Variants in ACBD6 observed in about 807,000 individuals in gnomAD.
ACBD6 encodes the protein acyl-CoA-binding domain-containing protein 6.
Under a neutral mutation model 37.2 loss-of-function variants are expected in ACBD6, and 28 were observed. The observed-to-expected ratio is 0.75, with a 90% CI of 0.56 to 1.03. ACBD6 has a LOEUF of 1.03. Among genes scored for constraint, ACBD6 ranks in the 50% least tolerant of loss-of-function variants. The pLI, the probability that ACBD6 is intolerant of heterozygous loss-of-function variation, is 0.00. For missense variants in ACBD6, 340 were observed against 337.4 expected, an observed-to-expected ratio of 1.01 and a Z score of -0.06; for synonymous variants, 113 against 126.8, an observed-to-expected ratio of 0.89 and a Z score of 0.73.
exon 14 of ACBD6, chr1:180,270,779 C>T (rs1648598935): frequency 6.3e-6 from 1 of 158,178 alleles, no homozygotes. Context: ...CATCTGATTT[C>T]CTGTTTTAGT....
chr1:180,332,316 C>T (rs1316062532), intron 6 of ACBD6, among the ~76,000 whole-genome samples: 2 of 152,176 alleles, frequency 1.3e-5, no homozygotes, highest in Admixed American at 6.5e-5. Context: ...ACAATCTGTT[C>T]TTCAGACAGC....
At chr1:180,470,734 T>C (rs1037688043) in intron 3 of ACBD6, among the ~76,000 whole-genome samples, 7 of 152,242 alleles carry the variant, frequency 4.6e-5, no homozygotes, top group African/African-American at 1.7e-4. Flanking sequence ...CAGTTTTAAC[T>C]ATTTGCGTAC....
intron 7 of ACBD6, among the ~76,000 whole-genome samples, chr1:180,294,235 TA>T (rs1314710685): frequency 1.3e-5 from 2 of 152,056 alleles, no homozygotes; most frequent in Non-Finnish European, 2.9e-5. Flanking sequence ...TTTGTGTCTT[TA>T]AAAAAATTTG....
In ACBD6 at chr1:180,281,199, C is replaced by T. The variant is rs878641; in HGVS notation, c.*174+107G>A. 0.024 allele frequency: 3,698 copies of T among 152,224 alleles called. 357 individuals carry two copies. The East Asian group carries it at 0.29, about 12-fold the overall frequency. 9.4% of individuals were successfully genotyped at this position (152,224 alleles called of 1,614,324 possible). On this transcript the variant is annotated intron_variant, in intron 9 of 13. Coordinates refer to the ACBD6 transcript ENST00000642319. ...TTTTAGTTTGGTCACTGGAGACTGG[C>T]ACCTGAGCAGTCTGATTTTCTTTCT...
At chr1:180,415,015 T>C (rs1571478096) in intron 4 of ACBD6, among the ~76,000 whole-genome samples, 1 of 151,942 alleles carries the variant, frequency 6.6e-6, no homozygotes, top group Admixed American at 6.6e-5. Context: ...AGGCAGAGCT[T>C]GCAGTGAGCC....
chr1:180,425,619 T>C (rs1449622564), intron 4 of ACBD6, among the ~76,000 whole-genome samples: 1 of 152,196 alleles, frequency 6.6e-6, no homozygotes, highest in East Asian at 1.9e-4. Context: ...GAACACATAC[T>C]CTTGAAGCTT....
chr1:180,304,728 T>C (rs1195460033), intron 7 of ACBD6, among the ~76,000 whole-genome samples: 2 of 150,832 alleles, frequency 1.3e-5, no homozygotes, highest in African/African-American at 4.8e-5. Context: ...CAAATGACTT[T>C]CCTCACAGAA....
At chr1:180,433,644 A>T (rs1423144000) in intron 3 of ACBD6, among the ~76,000 whole-genome samples, 4 of 151,830 alleles carry the variant, frequency 2.6e-5, no homozygotes, top group Non-Finnish European at 5.9e-5. Context: ...AGAGTGAGAG[A>T]GTGCGCACAA....
At chr1:180,420,775 C>T (rs1571487698) in intron 4 of ACBD6, among the ~76,000 whole-genome samples, 1 of 152,168 alleles carries the variant, frequency 6.6e-6, no homozygotes, top group East Asian at 1.9e-4. Flanking sequence ...ACGGTGTTTA[C>T]CTTTTCCCTT....
At chr1:180,341,474 A>C (rs998461876) in intron 6 of ACBD6, among the ~76,000 whole-genome samples, 1 of 152,000 alleles carries the variant, frequency 6.6e-6, no homozygotes, top group African/African-American at 2.4e-5. Flanking sequence ...TATAGATGAC[A>C]AAGATTTTCT....
intron 6 of ACBD6, among the ~76,000 whole-genome samples, chr1:180,317,710 G>A (rs776915929): frequency 2.6e-5 from 4 of 152,094 alleles, no homozygotes; most frequent in Non-Finnish European, 5.9e-5. Flanking sequence ...TTTTTTCTTG[G>A]TTAGGTAAGC....
chr1:180,285,015 G>C (rs1214643167), downstream of ACBD6, among the ~76,000 whole-genome samples: 1 of 151,992 alleles, frequency 6.6e-6, no homozygotes, highest in Non-Finnish European at 1.5e-5. Flanking sequence ...GTGCACCTGT[G>C]GTCCCAGCTA....
intron 6 of ACBD6, among the ~76,000 whole-genome samples, chr1:180,385,661 C>T (rs1342030657): frequency 1.3e-5 from 2 of 151,860 alleles, no homozygotes; most frequent in African/African-American, 4.8e-5. Flanking sequence ...CATATATGAG[C>T]ACAGAGGAAA....
At chr1:180,488,272 G>C (rs1304667248) in intron 3 of ACBD6, among the ~76,000 whole-genome samples, 1 of 151,528 alleles carries the variant, frequency 6.6e-6, no homozygotes, top group Non-Finnish European at 1.5e-5. Context: ...CCAAAACAAA[G>C]GCAAAATAAT....
intron 7 of ACBD6, among the ~76,000 whole-genome samples, chr1:180,309,478 T>C (rs886196288): frequency 1.3e-5 from 2 of 152,126 alleles, no homozygotes; most frequent in African/African-American, 4.8e-5. Flanking sequence ...CTACAGTTTC[T>C]GGAAGGGAGA....
intron 5 of ACBD6, among the ~76,000 whole-genome samples, chr1:180,405,179 G>T (rs1368041476): frequency 6.6e-6 from 1 of 151,868 alleles, no homozygotes; most frequent in Admixed American, 6.6e-5. Flanking sequence ...TCAGTATACC[G>T]ACCCTGCCTC....
At chr1:180,335,355 T>C (rs9425880) in intron 6 of ACBD6, among the ~76,000 whole-genome samples, 30,463 of 152,026 alleles carry the variant, frequency 0.2, 4,212 homozygotes, top group African/African-American at 0.4. Flanking sequence ...GGGGCCAATA[T>C]TCAACATTCT....
At chr1:180,420,539 G>C (rs1012396929) in intron 4 of ACBD6, among the ~76,000 whole-genome samples, 2 of 152,206 alleles carry the variant, frequency 1.3e-5, no homozygotes, top group Non-Finnish European at 2.9e-5. Context: ...GGGTGAATTA[G>C]AGATGTTGTA....
At chr1:180,465,076 A>T (rs1300061230) in intron 3 of ACBD6, among the ~76,000 whole-genome samples, 1 of 152,072 alleles carries the variant, frequency 6.6e-6, no homozygotes, top group Non-Finnish European at 1.5e-5. Context: ...AACCATAAAA[A>T]CCCTGGAAGA....
Sources: gnomAD v4.1 joint callset for allele counts (sites outside exome capture counted in the v4.1 genomes callset) on GRCh38, gnomAD v4.1.1 for gene constraint, MANE v1.5 for transcripts, NCBI Gene and HGNC (gene_info 2026-07-23, HGNC 2026-07-21) for gene names.